Variants in BTLA observed in about 807,000 individuals in gnomAD.
The protein encoded by BTLA is B- and T-lymphocyte attenuator.
Under a neutral mutation model 25.0 loss-of-function variants are expected in BTLA, and 11 were observed. The ratio of observed to expected loss-of-function variants is 0.44; its 90% CI spans 0.28 to 0.73. The LOEUF (loss-of-function observed/expected upper bound fraction) is 0.73, where lower values mean the gene tolerates loss of function less well. Among genes scored for constraint, BTLA ranks in the 30% least tolerant of loss-of-function variants. BTLA has a pLI of 0.15. For synonymous variants in BTLA, 104 were observed against 119.8 expected, an observed-to-expected ratio of 0.87 and a Z score of 0.86; for missense variants, 282 against 332.8, an observed-to-expected ratio of 0.85 and a Z score of 1.19.
chr3:112,479,764 C>A lies in BTLA; in HGVS notation c.94G>T (p.Glu32Ter), dbSNP rs1238057088. The A allele has an allele frequency of 6.3e-7, 1 of 1,583,110 alleles. No individual in the cohort carries two copies. Among genetic ancestry groups the A allele is most frequent in the Non-Finnish European group, 8.6e-7 (1 of 1,164,776 alleles). Residue 32 changes from glutamate to a stop codon, truncating the protein, a stop_gained, in exon 2 of 5, where the codon GAA becomes TAA. Transcript: ENST00000334529. LOFTEE classifies it high-confidence loss of function. ...YLDIWNIHGKESCDVQLYIKR... is the reference protein window; with the variant it reads ...YLDIWNIHGK Reference sequence around the variant, plus strand: ...ATATAAAGCTGTACATCACATGATTCTTTCCCTAAAAGATAAAAACAAAAC... The same window carrying A: ...ATATAAAGCTGTACATCACATGATTATTTCCCTAAAAGATAAAAACAAAAC...
intron 1 of BTLA, among the ~76,000 whole-genome samples, chr3:112,485,879 G>A (rs1465772798): frequency 5.9e-5 from 9 of 152,342 alleles, no homozygotes; most frequent in Admixed American, 5.9e-4. Context: ...TTGGGAGGCC[G>A]AGGCGAGTGG....
In BTLA at chr3:112,499,386, C is replaced by A; in HGVS notation, c.-28G>T. Reference sequence around the variant, plus strand: ...CCTGCACATATCAGTGATGGAAAAACTGCTCAAGTAGAAGGCTTTGCTTCG... The same window carrying A: ...CCTGCACATATCAGTGATGGAAAAAATGCTCAAGTAGAAGGCTTTGCTTCG... On this transcript the variant is annotated 5_prime_UTR_variant, in exon 1 of 5. Coordinates refer to ENST00000334529, the MANE Select transcript of BTLA (RefSeq NM_181780.4). The A allele has an allele frequency of 6.2e-7, 1 of 1,604,884 alleles. No individual in the cohort carries two copies. Among genetic ancestry groups the A allele is most frequent in the Non-Finnish European group, 8.5e-7 (1 of 1,173,842 alleles).
chr3:112,479,396 C>T (rs1576682946), intron 2 of BTLA, 59 bp downstream of exon 2: 4 of 1,485,648 alleles, frequency 2.7e-6, no homozygotes, highest in African/African-American at 1.4e-5. Flanking sequence ...AACTGAACCC[C>T]CCTCTTCCTG....
rs2082222935 is a variant in BTLA, at chr3:112,465,960, A to G, written c.*148T>C. The G allele has an allele frequency of 1.2e-6, 1 of 816,400 alleles. No individual in the cohort carries two copies. The highest frequency in any genetic ancestry group is 1.8e-6 in the Non-Finnish European group (1 of 550,244). 50.6% of individuals were successfully genotyped at this position (816,400 alleles called of 1,614,324 possible). A position where few individuals can be genotyped will look rare whatever the true frequency, so the allele number is the denominator to read the frequency against. On this transcript the variant is annotated 3_prime_UTR_variant, in exon 5 of 5. Transcript: ENST00000334529. ...GAGAGAAATTTTAATCATTTATCCT[A>G]TGGACCCTTAAGACCCAAGCACTAA...
At chr3:112,469,603 C>CTATGTA (rs2082248962) in intron 4 of BTLA, among the ~76,000 whole-genome samples, 155 bp downstream of exon 4, 2 of 41,042 alleles carry the variant, frequency 4.9e-5, no homozygotes, top group East Asian at 8.0e-4. Flanking sequence ...AAAAATGGGT[C>CTATGTA]TATGTATATA....
intron 2 of BTLA, among the ~76,000 whole-genome samples, chr3:112,476,161 G>A (rs2082287524): frequency 6.6e-6 from 1 of 152,214 alleles, no homozygotes; most frequent in Non-Finnish European, 1.5e-5. Flanking sequence ...CCATCCTGAA[G>A]AGGTTTATAA....
Position 112,499,430 on chromosome 3 carries a change from G to T in BTLA, c.-72C>A. The T allele has an allele frequency of 1.6e-6, 2 of 1,275,830 alleles. No homozygotes were observed. The highest frequency in any genetic ancestry group is 1.4e-5 in the South Asian group (1 of 71,098). 79.0% of individuals were successfully genotyped at this position (1,275,830 alleles called of 1,614,324 possible). A position where few individuals can be genotyped will look rare whatever the true frequency, so the allele number is the denominator to read the frequency against. On this transcript the variant is annotated 5_prime_UTR_variant, in exon 1 of 5. Transcript: ENST00000334529. ...TGCTTCGTCTTCTGAGTGCTGCAGA[G>T]TTGGGTCAGTTTACCTACCCCAGTG...
chr3:112,465,821 TA>T lies in BTLA; in HGVS notation c.*286del, dbSNP rs2082222236. The T allele has an allele frequency of 3.9e-6, 1 of 256,586 alleles. No homozygotes were observed. Among genetic ancestry groups the T allele is most frequent in the Admixed American group, 5.4e-5 (1 of 18,650 alleles). 15.9% of individuals were successfully genotyped at this position (256,586 alleles called of 1,614,324 possible). A position where few individuals can be genotyped will look rare whatever the true frequency, so the allele number is the denominator to read the frequency against. ...GGCAAGATCGAGTTTGTATATTGGG[TA>T]AAATGTAGCTAAGTTTAAACGTTCT... On this transcript the variant is annotated 3_prime_UTR_variant, in exon 5 of 5. Coordinates refer to ENST00000334529, the MANE Select transcript of BTLA (RefSeq NM_181780.4).
intron 4 of BTLA, among the ~76,000 whole-genome samples, chr3:112,467,291 A>G (rs2082235336): frequency 6.6e-6 from 1 of 152,182 alleles, no homozygotes; most frequent in African/African-American, 2.4e-5. Context: ...ATATAGCCAA[A>G]TATCTTAGAG....
At chr3:112,481,338 G>A (rs368586933) in intron 1 of BTLA, among the ~76,000 whole-genome samples, 2 of 152,210 alleles carry the variant, frequency 1.3e-5, no homozygotes, top group African/African-American at 4.8e-5. Flanking sequence ...AATCTACATG[G>A]AGGAAGTTGT....
chr3:112,484,968 T>A (rs1479590823), intron 1 of BTLA, among the ~76,000 whole-genome samples: 1 of 152,120 alleles, frequency 6.6e-6, no homozygotes, highest in African/African-American at 2.4e-5. Context: ...ATACCTCCTA[T>A]CTCTCAGAGG....
At position 112,479,671 on chromosome 3, in the gene BTLA, A is replaced by G; in HGVS notation, c.187T>C (p.Cys63Arg). The G allele has an allele frequency of 6.2e-7, 1 of 1,614,056 alleles. No individual in the cohort carries two copies. Among genetic ancestry groups the G allele is most frequent in the Non-Finnish European group, 8.5e-7 (1 of 1,179,880 alleles). ...PFELECPVKY[C>R]ANRPHVTWCK... ...CAAGTCACATGAGGCCTGTTAGCAC[A>G]GTATTTCACAGGGCATTCTAGTTCA... The change falls in exon 2 of 5, where the codon TGT becomes CGT. Residue 63 changes from cysteine (C) to arginine (R), a missense_variant. Cys to Arg is a radical substitution (Grantham distance 180, BLOSUM62 -3). Transcript: ENST00000334529.
rs548931876 is a variant in BTLA, at chr3:112,477,044, G to A, written c.403+2411C>T. Among the ~76,000 whole-genome samples, 7 of 152,142 alleles carry A rather than the reference G, an allele frequency of 4.6e-5. No homozygotes were observed. The South Asian group carries it at 6.2e-4, about 14-fold the overall frequency. ...CCTTTTCATGACTGAATAATATTCC[G>A]TGTGTGGATAAACTACATTTCCTTT... On this transcript the variant is annotated intron_variant, in intron 2 of 4. Transcript: ENST00000334529.
intron 2 of BTLA, among the ~76,000 whole-genome samples, chr3:112,477,481 A>G (rs892854226): frequency 1.3e-5 from 2 of 151,718 alleles, no homozygotes; most frequent in African/African-American, 4.8e-5. Flanking sequence ...GGCCATTTGT[A>G]TATTTTCTTT....
intron 1 of BTLA, among the ~76,000 whole-genome samples, chr3:112,484,179 GA>G (rs1305763429): frequency 9.9e-5 from 15 of 152,146 alleles, no homozygotes; most frequent in African/African-American, 3.6e-4. Context: ...TCTCATGATA[GA>G]TTTAGATCAT....
At position 112,466,214 on chromosome 3, in the gene BTLA, A is replaced by T. The variant is rs1199359979; in HGVS notation, c.764T>A (p.Ile255Asn). 2 of 1,613,920 alleles carry T rather than the reference A, an allele frequency of 1.2e-6. No individual in the cohort carries two copies. The highest frequency in any genetic ancestry group is 1.7e-6 in the Non-Finnish European group (2 of 1,179,950). ...NPCLEENKPG[I>N]VYASLNHSVI... The stretch of plus-strand genomic sequence containing the variant: ...AGAATGGTTCAGGGAAGCATAAACA[A>T]TGCCTGGTTTGTTTTCTTCCAGGCA... The change falls in exon 5 of 5, where the codon ATT (isoleucine) becomes AAT (asparagine). Residue 255 changes from isoleucine (I) to asparagine (N), a missense_variant. Physicochemically the swap from Ile to Asn is moderately radical, Grantham distance 149. Coordinates refer to ENST00000334529, the MANE Select transcript of BTLA (RefSeq NM_181780.4).
At chr3:112,498,548 T>C (rs1312642197) in intron 1 of BTLA, among the ~76,000 whole-genome samples, 3 of 148,142 alleles carry the variant, frequency 2.0e-5, no homozygotes, top group African/African-American at 7.5e-5. Flanking sequence ...GAAGCGACTT[T>C]ACAATAAAAA....
chr3:112,486,210 G>C (rs1311866732), intron 1 of BTLA, among the ~76,000 whole-genome samples: 2 of 152,178 alleles, frequency 1.3e-5, no homozygotes, highest in Admixed American at 6.5e-5. Flanking sequence ...TATAGGTTTA[G>C]AAATTCTTTC....
At position 112,465,479 on chromosome 3, in the gene BTLA, A is replaced by G. The variant is rs2082220277; in HGVS notation, c.*629T>C. The G allele has an allele frequency of 6.6e-6, 1 of 152,666 alleles. No individual in the cohort carries two copies. The highest frequency in any genetic ancestry group is 2.4e-5 in the African/African-American group (1 of 41,454). The allele number at this position is 152,666 out of a possible 1,614,324, so 9.5% of individuals were successfully genotyped here. ...CTTATCAATCTAACAGAGTAGATAT[A>G]AGCATTTGTTTGCCAGGTATGTGGA... On this transcript the variant is annotated 3_prime_UTR_variant, in exon 5 of 5. Transcript: ENST00000334529.
Sources: gnomAD v4.1 joint callset for allele counts (sites outside exome capture counted in the v4.1 genomes callset) on GRCh38, gnomAD v4.1.1 for gene constraint, MANE v1.5 for transcripts, NCBI Gene and HGNC (gene_info 2026-07-23, HGNC 2026-07-21) for gene names.